The following CDK14 variants were observed in gnomAD, a reference collection of about 807,000 sequenced individuals.
The protein encoded by CDK14 is cyclin dependent kinase 14.
Under a neutral mutation model 60.7 loss-of-function variants are expected in CDK14, and 34 were observed. The ratio of observed to expected loss-of-function variants is 0.56; its 90% CI spans 0.43 to 0.75. CDK14 has a LOEUF of 0.75. Ranked by LOEUF, CDK14 falls within the 30% of genes least tolerant of loss-of-function variation. The pLI is 0.00. For synonymous variants in CDK14, 197 were observed against 203.7 expected (o/e 0.97, Z 0.28); for missense variants, 482 against 564.1 (o/e 0.85, Z 1.47).
At chr7:90,954,648 G>A (rs1369090272) in intron 8 of CDK14, among the ~76,000 whole-genome samples, 1 of 17,578 alleles carries the variant, frequency 5.7e-5, no homozygotes, top group African/African-American at 1.1e-4. Context: ...TTTTTGAGAC[G>A]GAGTCTCGCT....
Position 90,816,323 on chromosome 7 carries a change from A to G in CDK14, c.544+25671A>G, listed in dbSNP as rs543700369. Among the ~76,000 whole-genome samples the G allele has an allele frequency of 3.9e-5, 6 of 152,306 alleles. No individual in the cohort carries two copies. In the East Asian group the frequency reaches 1.2e-3, roughly 29 times the overall value. On this transcript the variant is annotated intron_variant, in intron 5 of 14. Transcript: ENST00000380050. Reference sequence around the variant, plus strand: ...CATAGAGAGAATTAAATATCTTGCTAGTAGGGTGTGTGGGTTGCTCCTGAA... The same window carrying G: ...CATAGAGAGAATTAAATATCTTGCTGGTAGGGTGTGTGGGTTGCTCCTGAA...
chr7:91,067,925 A>G (rs1798025720), intron 11 of CDK14, among the ~76,000 whole-genome samples: 1 of 152,258 alleles, frequency 6.6e-6, no homozygotes, highest in Non-Finnish European at 1.5e-5. Flanking sequence ...TCCTGAAATC[A>G]TAGCAAATTA....
intron 2 of CDK14, among the ~76,000 whole-genome samples, chr7:90,640,849 C>T (rs1048857618): frequency 6.6e-6 from 1 of 151,974 alleles, no homozygotes; most frequent in Non-Finnish European, 1.5e-5. Context: ...AATCACATAC[C>T]TGATAAGGGA....
intron 11 of CDK14, among the ~76,000 whole-genome samples, chr7:91,057,789 T>G (rs1367141456): frequency 6.6e-6 from 1 of 152,220 alleles, no homozygotes; most frequent in African/African-American, 2.4e-5. Context: ...ACCAATACCA[T>G]GCTGTTTTGG....
chr7:91,137,664 A>G (rs1800320829), intron 14 of CDK14, among the ~76,000 whole-genome samples: 1 of 137,928 alleles, frequency 7.3e-6, no homozygotes, highest in Non-Finnish European at 1.5e-5. Flanking sequence ...GCCCTCACTT[A>G]TGAGCTCTAC....
intron 6 of CDK14, among the ~76,000 whole-genome samples, chr7:90,865,435 A>G (rs1791146345): frequency 1.3e-5 from 2 of 152,208 alleles, no homozygotes; most frequent in South Asian, 4.1e-4. Flanking sequence ...ATATCTCAAG[A>G]AAAATTAAGG....
At chr7:90,788,381 A>G (rs1288591775) in intron 4 of CDK14, among the ~76,000 whole-genome samples, 1 of 152,038 alleles carries the variant, frequency 6.6e-6, no homozygotes, top group East Asian at 1.9e-4. Flanking sequence ...CTCCAGCTGA[A>G]CCCCATGTGC....
chr7:91,162,022 A>T (rs571700119), intron 14 of CDK14, among the ~76,000 whole-genome samples: 2 of 152,316 alleles, frequency 1.3e-5, no homozygotes, highest in African/African-American at 4.8e-5. Flanking sequence ...CTTGACACTT[A>T]GGCAAGAGTA....
intron 4 of CDK14, among the ~76,000 whole-genome samples, chr7:90,784,638 A>G (rs911803121): frequency 4.6e-5 from 7 of 152,222 alleles, no homozygotes; most frequent in African/African-American, 1.7e-4. Context: ...GATATAGATT[A>G]TGACAAGGTG....
In CDK14 at chr7:90,739,849, T is replaced by A. The variant is rs539843365; in HGVS notation, c.370-7832T>A. 1.1e-4 allele frequency among the ~76,000 whole-genome samples: 17 copies of A among 152,334 alleles called. No individual in the cohort carries two copies. The East Asian group carries it at 3.1e-3, about 28-fold the overall frequency. On this transcript the variant is annotated intron_variant, in intron 3 of 14. Transcript: ENST00000380050. The stretch of plus-strand genomic sequence containing the variant: ...TATACTGAAGTTTAATATAGGTTTT[T>A]AAATTTCTATTTAAAACTTGGGCTC...
intron 2 of CDK14, among the ~76,000 whole-genome samples, chr7:90,671,182 C>T (rs746337156): frequency 1.4e-4 from 21 of 152,018 alleles, no homozygotes; most frequent in South Asian, 2.1e-4. Context: ...TTGTGATGAT[C>T]GTGCAGATTG....
intron 10 of CDK14, among the ~76,000 whole-genome samples, chr7:91,037,306 T>C (rs1261434456): frequency 2.0e-5 from 3 of 152,228 alleles, no homozygotes; most frequent in Non-Finnish European, 4.4e-5. Flanking sequence ...CTGTCTTCCT[T>C]CAAGTAACTG....
intron 5 of CDK14, among the ~76,000 whole-genome samples, chr7:90,845,957 G>T (rs1790457543): frequency 6.6e-6 from 1 of 151,982 alleles, no homozygotes; most frequent in Non-Finnish European, 1.5e-5. Flanking sequence ...ATTCCTGCTG[G>T]ATGAACCTTA....
In CDK14 at chr7:91,013,776, T is replaced by C. The variant is rs192674289; in HGVS notation, c.1041+29535T>C. On this transcript the variant is annotated intron_variant, in intron 10 of 14. Coordinates refer to ENST00000380050, the MANE Select transcript of CDK14 (RefSeq NM_001287135.2). ...GTCTCACAATGATAATCACAAGCTT[T>C]ATATAACAGAATTAATTGAGGGAAC... Among the ~76,000 whole-genome samples the C allele has an allele frequency of 4.6e-5, 7 of 151,934 alleles. No homozygotes were observed. The East Asian group carries it at 1.2e-3, about 25-fold the overall frequency.
intron 5 of CDK14, among the ~76,000 whole-genome samples, chr7:90,803,327 G>C (rs760783861): frequency 2.6e-5 from 4 of 152,098 alleles, no homozygotes; most frequent in Non-Finnish European, 5.9e-5. Context: ...TTCAGATTAT[G>C]CAGTGTTAGA....
chr7:90,735,919 C>T (rs1347097034), intron 3 of CDK14, among the ~76,000 whole-genome samples: 4 of 152,150 alleles, frequency 2.6e-5, no homozygotes, highest in Non-Finnish European at 5.9e-5. Flanking sequence ...CAAACGGCTG[C>T]CCAGTTTTGT....
At chr7:90,596,952 A>C (rs1799200582) in intron 1 of CDK14, among the ~76,000 whole-genome samples, 1 of 151,802 alleles carries the variant, frequency 6.6e-6, no homozygotes, top group African/African-American at 2.4e-5. Context: ...AGCCTACAAT[A>C]TGGGTTCTCC....
intron 2 of CDK14, among the ~76,000 whole-genome samples, chr7:90,636,099 C>T: frequency 6.7e-6 from 1 of 149,646 alleles, no homozygotes; most frequent in Non-Finnish European, 1.5e-5. Flanking sequence ...ATTTGACTTC[C>T]TCTTTTCCTA....
chr7:90,631,694 C>A (rs955702173), intron 2 of CDK14, among the ~76,000 whole-genome samples: 2 of 152,142 alleles, frequency 1.3e-5, no homozygotes, highest in African/African-American at 4.8e-5. Flanking sequence ...ACAGTTGGTA[C>A]TAAGAAAGGC....
Sources: allele counts gnomAD v4.1 joint callset (sites outside exome capture counted in the v4.1 genomes callset), GRCh38; gene constraint gnomAD v4.1.1; transcripts MANE v1.5; gene names NCBI Gene and HGNC (gene_info 2026-07-23, HGNC 2026-07-21).